The following PLB1 variants were observed in gnomAD, a reference collection of about 807,000 sequenced individuals.
PLB1 encodes the protein phospholipase B1.
In PLB1, 242 loss-of-function variants were observed where a neutral mutation model predicts 227.4. That is an observed-to-expected ratio of 1.06 (90% CI 0.96 to 1.18). PLB1 has a LOEUF of 1.18. PLB1 is among the 50% of genes most tolerant of loss of function. The pLI, the probability that PLB1 is intolerant of heterozygous loss-of-function variation, is 0.00. For missense variants in PLB1, 1,858 were observed against 1,816.3 expected (o/e 1.02, Z -0.42); for synonymous variants, 757 against 682.2 (o/e 1.11, Z -1.71).
intron 15 of PLB1, among the ~76,000 whole-genome samples, chr2:28,549,506 C>T (rs552581170): frequency 4.3e-4 from 61 of 142,192 alleles, no homozygotes; most frequent in African/African-American, 1.6e-3. Context: ...ACCTCTGCCT[C>T]CCGGGTTCAA....
At chr2:28,533,430 A>G (rs1013735939) in intron 9 of PLB1, among the ~76,000 whole-genome samples, 11 of 152,190 alleles carry the variant, frequency 7.2e-5, no homozygotes, top group Non-Finnish European at 1.5e-5. Flanking sequence ...ATTATGCATT[A>G]CTTCATGAAT....
chr2:28,629,793 G>A (rs1198132385), intron 53 of PLB1, among the ~76,000 whole-genome samples: 1 of 152,204 alleles, frequency 6.6e-6, no homozygotes, highest in African/African-American at 2.4e-5. Context: ...GGCAAGACAA[G>A]AACTCCTATC....
Position 28,529,652 on chromosome 2 carries a change from TG to T in PLB1, c.417-74del. 5.5e-6 allele frequency: 8 copies of T among 1,445,752 alleles called. 1 individual carries two copies. The South Asian group carries it at 8.2e-5, about 15-fold the overall frequency. The allele number at this position is 1,445,752 out of a possible 1,614,324, so 89.6% of individuals were successfully genotyped here. A position where few individuals can be genotyped will look rare whatever the true frequency, so the allele number is the denominator to read the frequency against. On this transcript the variant is annotated intron_variant, in intron 7 of 57. Coordinates refer to ENST00000327757, the MANE Select transcript of PLB1 (RefSeq NM_153021.5). ...AGCTTAGAGACTGACACCTGAGCTA[TG>T]GCAAGGGGCAAGCTTCCAGCCCTTA...
intron 26 of PLB1, among the ~76,000 whole-genome samples, chr2:28,589,092 G>A (rs1274910290): frequency 6.6e-6 from 1 of 152,048 alleles, no homozygotes; most frequent in Non-Finnish European, 1.5e-5. Flanking sequence ...TTGAACCCGG[G>A]AGGCGGAGGT....
intron 17 of PLB1, among the ~76,000 whole-genome samples, chr2:28,561,325 A>G (rs1676030834): frequency 6.6e-6 from 1 of 151,836 alleles, no homozygotes; most frequent in African/African-American, 2.4e-5. Flanking sequence ...AACTCAAAAG[A>G]TAAAAATATG....
In PLB1 at chr2:28,643,120, CCCCAGCCACT is replaced by C; in HGVS notation, c.*63_*72del. 1 of 1,439,558 alleles carries C rather than the reference CCCCAGCCACT, an allele frequency of 6.9e-7. No individual in the cohort carries two copies. Among genetic ancestry groups the C allele is most frequent in the Non-Finnish European group, 9.3e-7 (1 of 1,076,206 alleles). The allele number at this position is 1,439,558 out of a possible 1,614,324, so 89.2% of individuals were successfully genotyped here. The stretch of plus-strand genomic sequence containing the variant: ...TAGCCACTCTCTTCACCGCCCTCTG[CCCCAGCCACT>C]CCCGGCCACCAGGACATGCTTCAAT... On this transcript the variant is annotated 3_prime_UTR_variant, in exon 58 of 58. Coordinates refer to ENST00000327757, the MANE Select transcript of PLB1 (RefSeq NM_153021.5).
intron 1 of PLB1, among the ~76,000 whole-genome samples, chr2:28,497,320 G>A (rs566420972): frequency 4.9e-4 from 75 of 152,298 alleles, no homozygotes; most frequent in African/African-American, 1.7e-3. Flanking sequence ...ACCCAAATGA[G>A]GACAAACAGA....
At chr2:28,583,814 C>T (rs1253308244) in intron 25 of PLB1, among the ~76,000 whole-genome samples, 1 of 150,980 alleles carries the variant, frequency 6.6e-6, no homozygotes, top group Non-Finnish European at 1.5e-5. Flanking sequence ...AAAGATGTGG[C>T]TTAAAACGAT....
chr2:28,632,014 C>G (rs1473705615), intron 54 of PLB1, 22 bp from the exon 55 acceptor site: 2 of 1,596,518 alleles, frequency 1.3e-6, no homozygotes. Flanking sequence ...GAGGGTTGAG[C>G]AGCTTCTCTC....
intron 17 of PLB1, among the ~76,000 whole-genome samples, chr2:28,559,967 G>T (rs914232003): frequency 1.3e-5 from 2 of 152,006 alleles, no homozygotes; most frequent in Non-Finnish European, 2.9e-5. Flanking sequence ...GGACAGGCTG[G>T]TCTGAAACTC....
Position 28,537,100 on chromosome 2 carries a change from C to T in PLB1, c.556-1219C>T, listed in dbSNP as rs188477151. Among the ~76,000 whole-genome samples the T allele has an allele frequency of 6.6e-5, 10 of 152,300 alleles. No homozygotes were observed. In the East Asian group the frequency reaches 1.2e-3, roughly 18 times the overall value. ...GGAGAAAACTAGACAGAAGGCTTTA[C>T]GGTAACAGACCTGGCTGACCCGGCC... On this transcript the variant is annotated intron_variant, in intron 9 of 57. Transcript: ENST00000327757.
chr2:28,640,838 G>A, intron 56 of PLB1, 89 bp from the exon 57 acceptor site: 1 of 1,356,420 alleles, frequency 7.4e-7, no homozygotes, highest in Non-Finnish European at 1.0e-6. Flanking sequence ...CCGTTCCCGA[G>A]GGAGGGGCTC....
intron 33 of PLB1, among the ~76,000 whole-genome samples, chr2:28,597,049 G>C (rs1683048686): frequency 6.6e-6 from 1 of 152,100 alleles, no homozygotes; most frequent in Admixed American, 6.5e-5. Context: ...GAATCATGAG[G>C]TCAGGAGATC....
chr2:28,523,214 AACATACAC>A (rs147543473), intron 4 of PLB1, among the ~76,000 whole-genome samples: 17,272 of 152,052 alleles, frequency 0.11, 1,239 homozygotes, highest in East Asian at 0.35. Flanking sequence ...TACCTCAACA[AACATACAC>A]ACGTGCACAC....
At chr2:28,567,024 A>G (rs562891016) in intron 20 of PLB1, among the ~76,000 whole-genome samples, 185 bp downstream of exon 20, 13 of 107,122 alleles carry the variant, frequency 1.2e-4, no homozygotes, top group African/African-American at 4.7e-4. Flanking sequence ...AAAGCCTTAG[A>G]GTTGGGGGTG....
intron 56 of PLB1, among the ~76,000 whole-genome samples, chr2:28,637,392 C>T (rs1689498515): frequency 6.6e-6 from 1 of 151,750 alleles, no homozygotes; most frequent in Non-Finnish European, 1.5e-5. Flanking sequence ...GTCTGGAGTG[C>T]GAGCTGGATT....
At chr2:28,538,468 C>T (rs754208003) in intron 10 of PLB1, 87 bp downstream of exon 10, 143 of 1,253,472 alleles carry the variant, frequency 1.1e-4, no homozygotes, top group Non-Finnish European at 1.6e-4. Context: ...AAATGGACCC[C>T]TGTGAGGGAG....
At chr2:28,633,582 C>G (rs989116969) in intron 56 of PLB1, among the ~76,000 whole-genome samples, 1 of 152,200 alleles carries the variant, frequency 6.6e-6, no homozygotes, top group Non-Finnish European at 1.5e-5. Flanking sequence ...ATCCACACAG[C>G]CTGTTTTCCG....
intron 13 of PLB1, among the ~76,000 whole-genome samples, chr2:28,542,457 A>G (rs1351005818): frequency 3.3e-5 from 5 of 151,816 alleles, no homozygotes; most frequent in Admixed American, 2.6e-4. Context: ...AATCAGGGCC[A>G]TTTAGTAACA....
Sources: allele counts gnomAD v4.1 joint callset (sites outside exome capture counted in the v4.1 genomes callset), GRCh38; gene constraint gnomAD v4.1.1; transcripts MANE v1.5; gene names NCBI Gene and HGNC (gene_info 2026-07-23, HGNC 2026-07-21).